The following OTOL1 variants were observed in gnomAD, a reference collection of about 807,000 sequenced individuals.
OTOL1 encodes otolin 1.
Under a neutral mutation model 25.0 loss-of-function variants are expected in OTOL1, and 31 were observed. The observed-to-expected ratio is 1.24, with a 90% confidence interval of 0.93 to 1.67. OTOL1 has a LOEUF of 1.67. Among genes scored for constraint, OTOL1 ranks in the 40% most tolerant of loss-of-function variants. The pLI, the probability that OTOL1 is intolerant of heterozygous loss-of-function variation, is 0.00. For synonymous variants in OTOL1, 225 were observed against 210.3 expected, an observed-to-expected ratio of 1.07 and a Z score of -0.61; for missense variants, 654 against 587.7, an observed-to-expected ratio of 1.11 and a Z score of -1.17.
intron 3 of OTOL1, 136 bp downstream of exon 3, chr3:161,502,505 G>A (rs1031720564): frequency 5.2e-6 from 4 of 768,544 alleles, no homozygotes; most frequent in South Asian, 3.7e-5. Context: ...ATAATTCAGT[G>A]TACTGACTCA....
intron 2 of OTOL1, among the ~76,000 whole-genome samples, chr3:161,500,773 A>G (rs914119954): frequency 1.3e-5 from 2 of 152,086 alleles, no homozygotes; most frequent in Non-Finnish European, 2.9e-5. Flanking sequence ...GCGTCCAGTT[A>G]TTTTCCTGAT....
chr3:161,503,168 C>T lies in OTOL1; in HGVS notation c.660C>T (p.His220=), dbSNP rs1428965853. The T allele has an allele frequency of 1.4e-5, 20 of 1,394,968 alleles. No homozygotes were observed. Among genetic ancestry groups the T allele is most frequent in the Admixed American group, 7.3e-5 (2 of 27,458 alleles). The allele number at this position is 1,394,968 out of a possible 1,614,324, so 86.4% of individuals were successfully genotyped here. A position where few individuals can be genotyped will look rare whatever the true frequency, so the allele number is the denominator to read the frequency against. The change falls in exon 4 of 4, where the codon CAC becomes CAT. Residue 220 remains histidine (H), a synonymous_variant. Transcript: ENST00000327928. ...DQGAMGSPGL[H]GGPGAKGEKG... is the part of the protein sequence containing the mutation. The stretch of plus-strand genomic sequence containing the variant: ...GGGCTATGGGCTCACCTGGCCTGCA[C>T]GGAGGGCCTGGCGCCAAGGGAGAGA...
chr3:161,502,614 G>A (rs933634601), intron 3 of OTOL1, among the ~76,000 whole-genome samples: 5 of 152,090 alleles, frequency 3.3e-5, no homozygotes, highest in Admixed American at 6.6e-5. Flanking sequence ...TCCCTCACTC[G>A]TTCTGGGTCT....
chr3:161,503,062 G>T lies in OTOL1; in HGVS notation c.554G>T (p.Gly185Val). The T allele has an allele frequency of 1.4e-6, 2 of 1,384,900 alleles. No individual in the cohort carries two copies. The highest frequency in any genetic ancestry group is 3.2e-5 in the Admixed American group (1 of 31,332). The allele number at this position is 1,384,900 out of a possible 1,614,324, so 85.8% of individuals were successfully genotyped here. Residue 185 changes from glycine to valine, a missense_variant, in exon 4 of 4, where the codon GGT becomes GTT. Transcript: ENST00000327928. ...CCTAAGGGAGATAAAGGAAACATTGGTTTGGGAGGAGTGAAAGGACAAAAA... is the reference window on the plus strand; with the variant it reads ...CCTAAGGGAGATAAAGGAAACATTGTTTTGGGAGGAGTGAAAGGACAAAAA... ...PGPKGDKGNIGLGGVKGQKGS... is the reference protein window; with the variant it reads ...PGPKGDKGNIVLGGVKGQKGS...
chr3:161,497,766 A>T (rs2108228134), intron 1 of OTOL1, among the ~76,000 whole-genome samples: 1 of 134,360 alleles, frequency 7.4e-6, no homozygotes, highest in Middle Eastern at 4.0e-3. Flanking sequence ...GTCATTGCCC[A>T]ATGATTTTCT....
chr3:161,497,386 A>G (rs1302149370), intron 1 of OTOL1, among the ~76,000 whole-genome samples: 1 of 152,150 alleles, frequency 6.6e-6, no homozygotes, highest in Non-Finnish European at 1.5e-5. Context: ...TAAAAAATTC[A>G]GTTCATCAGT....
chr3:161,498,171 G>A (rs1718881695), intron 1 of OTOL1, among the ~76,000 whole-genome samples: 1 of 152,122 alleles, frequency 6.6e-6, no homozygotes, highest in Non-Finnish European at 1.5e-5. Context: ...AGAAGTCTTA[G>A]TATCCTATCT....
At chr3:161,498,254 T>C (rs1411015467) in intron 1 of OTOL1, among the ~76,000 whole-genome samples, 1 of 152,178 alleles carries the variant, frequency 6.6e-6, no homozygotes, top group Non-Finnish European at 1.5e-5. Flanking sequence ...CTAAACTATT[T>C]GCTAAGGCTG....
At chr3:161,500,079 TAGAA>T (rs1718937276) in intron 2 of OTOL1, among the ~76,000 whole-genome samples, 1 of 152,172 alleles carries the variant, frequency 6.6e-6, no homozygotes, top group Non-Finnish European at 1.5e-5. Context: ...CAGCAGCCTG[TAGAA>T]ATACCATCTA....
intron 2 of OTOL1, among the ~76,000 whole-genome samples, chr3:161,501,679 TTTA>T (rs1718976695): frequency 6.6e-6 from 1 of 152,008 alleles, no homozygotes; most frequent in African/African-American, 2.4e-5. Context: ...GCATTTTAAC[TTTA>T]TTCAAAATTC....
chr3:161,497,551 A>G (rs1372432544), intron 1 of OTOL1, among the ~76,000 whole-genome samples: 1 of 152,142 alleles, frequency 6.6e-6, no homozygotes, highest in Non-Finnish European at 1.5e-5. Flanking sequence ...CAAGATGCAC[A>G]GGTTTATTAC....
In OTOL1 at chr3:161,497,131, A is replaced by G. The variant is rs1002960029; in HGVS notation, c.324A>G (p.Val108=). Residue 108 remains valine, a synonymous_variant, in exon 1 of 4, where the codon GTA becomes GTG. Coordinates refer to ENST00000327928, the MANE Select transcript of OTOL1 (RefSeq NM_001080440.1). The stretch of plus-strand genomic sequence containing the variant: ...ATTGTTGTGATTGTTGTTCACCTGT[A>G]CCCGGGCAGAAAGGAGAACCTGGAG... ...FLNCCDCCSP[V]PGQKGEPGET... 9.9e-6 allele frequency: 16 copies of G among 1,613,276 alleles called. No homozygotes were observed. The Middle Eastern group carries it at 5.0e-4, about 50-fold the overall frequency.
chr3:161,502,030 C>T (rs1249892694), intron 2 of OTOL1, among the ~76,000 whole-genome samples: 1 of 152,112 alleles, frequency 6.6e-6, no homozygotes, highest in African/African-American at 2.4e-5. Context: ...CCAAACCCGG[C>T]TAATTTTTTG....
Position 161,503,312 on chromosome 3 carries a change from A to G in OTOL1, c.804A>G (p.Lys268=). Residue 268 remains lysine (K), a synonymous_variant, in exon 4 of 4, where the codon AAA becomes AAG. Coordinates refer to ENST00000327928, the MANE Select transcript of OTOL1 (RefSeq NM_001080440.1). ...EGGMKGEKGS[K]GDSGMEGKSG... is the part of the protein sequence containing the mutation. ...GTATGAAAGGGGAAAAAGGTAGCAA[A>G]GGAGACAGTGGAATGGAAGGCAAAA... 6.5e-7 allele frequency: 1 copy of G among 1,541,680 alleles called. No individual in the cohort carries two copies. Among genetic ancestry groups the G allele is most frequent in the South Asian group, 1.2e-5 (1 of 80,364 alleles).
chr3:161,497,465 G>C (rs1008082594), intron 1 of OTOL1, among the ~76,000 whole-genome samples: 1 of 152,138 alleles, frequency 6.6e-6, no homozygotes, highest in Non-Finnish European at 1.5e-5. Flanking sequence ...TTCCATCATT[G>C]TAGACAATTC....
chr3:161,498,638 C>T (rs6788534), intron 1 of OTOL1, among the ~76,000 whole-genome samples: 20,822 of 152,132 alleles, frequency 0.14, 1,632 homozygotes, highest in South Asian at 0.3. Context: ...ACAATTTCTA[C>T]GTATTTGTGT....
At chr3:161,497,407 A>G (rs73166022) in intron 1 of OTOL1, among the ~76,000 whole-genome samples, 8,522 of 152,258 alleles carry the variant, frequency 0.056, 381 homozygotes, top group South Asian at 0.24. Flanking sequence ...CACATTAGCC[A>G]CAGTTCAAGT....
chr3:161,503,292 A>G lies in OTOL1; in HGVS notation c.784A>G (p.Lys262Glu), dbSNP rs575465966. 4.0e-6 allele frequency: 6 copies of G among 1,504,132 alleles called. No individual in the cohort carries two copies. The South Asian group carries it at 8.0e-5, about 20-fold the overall frequency. 93.2% of individuals were successfully genotyped at this position (1,504,132 alleles called of 1,614,324 possible). ...GKGQKGEGGMKGEKGSKGDSG... is the reference protein window; with the variant it reads ...GKGQKGEGGMEGEKGSKGDSG... ...AGGACAGAAAGGTGAGGGGGGTATGAAAGGGGAAAAAGGTAGCAAAGGAGA... is the reference window on the plus strand; with the variant it reads ...AGGACAGAAAGGTGAGGGGGGTATGGAAGGGGAAAAAGGTAGCAAAGGAGA... Residue 262 changes from lysine (K) to glutamate (E), a missense_variant, in exon 4 of 4, where the codon AAA becomes GAA. Lys to Glu is a moderately conservative substitution (Grantham distance 56, BLOSUM62 1). Coordinates refer to ENST00000327928, the MANE Select transcript of OTOL1 (RefSeq NM_001080440.1).
Position 161,503,868 on chromosome 3 carries a change from G to T in OTOL1, c.1360G>T (p.Val454Phe). 1 of 1,613,872 alleles carries T rather than the reference G, an allele frequency of 6.2e-7. No individual in the cohort carries two copies. The highest frequency in any genetic ancestry group is 8.5e-7 in the Non-Finnish European group (1 of 1,179,868). ...EVSKDWNGVY[V>F]SAEDDSIFTG... is the part of the protein sequence containing the mutation. ...GTCAAAAGATTGGAATGGGGTGTAT[G>T]TCAGTGCTGAGGATGACAGCATTTT... is the stretch of plus-strand genomic sequence containing the variant. Residue 454 changes from valine to phenylalanine, a missense_variant, in exon 4 of 4, where the codon GTC (valine) becomes TTC (phenylalanine). Val to Phe is a conservative substitution (Grantham distance 50). Coordinates refer to ENST00000327928, the MANE Select transcript of OTOL1 (RefSeq NM_001080440.1).
Sources: allele counts gnomAD v4.1 joint callset (sites outside exome capture counted in the v4.1 genomes callset), GRCh38; gene constraint gnomAD v4.1.1; transcripts MANE v1.5; gene names NCBI Gene and HGNC (gene_info 2026-07-23, HGNC 2026-07-21).